Variants in CTNNA3 observed in about 807,000 individuals in gnomAD.
The protein encoded by CTNNA3 is catenin alpha-3.
Under a neutral mutation model 95.7 loss-of-function variants are expected in CTNNA3, and 76 were observed. That is an observed-to-expected ratio of 0.79 (90% CI 0.66 to 0.96). The LOEUF (loss-of-function observed/expected upper bound fraction) is 0.96. Among genes scored for constraint, CTNNA3 ranks in the 40% least tolerant of loss-of-function variants. The probability of loss-of-function intolerance (pLI) is 0.00; values close to 1 mark genes in which losing one functional copy is unlikely to be tolerated. For missense variants in CTNNA3, 1,191 were observed against 1,089.8 expected, an observed-to-expected ratio of 1.09 and a Z score of -1.31; for synonymous variants, 431 against 374.4, an observed-to-expected ratio of 1.15 and a Z score of -1.74.
intron 15 of CTNNA3, among the ~76,000 whole-genome samples, chr10:66,047,013 G>A (rs2079842739): frequency 6.6e-6 from 1 of 152,054 alleles, no homozygotes; most frequent in Admixed American, 6.6e-5. Context: ...AAAAAGCCCA[G>A]GACCTGATGG....
intron 12 of CTNNA3, among the ~76,000 whole-genome samples, chr10:66,303,261 A>C (rs574434640): frequency 1.3e-5 from 2 of 152,296 alleles, no homozygotes; most frequent in East Asian, 3.9e-4. Context: ...TACAAACTAC[A>C]ACAAACCCAG....
intron 7 of CTNNA3, among the ~76,000 whole-genome samples, chr10:66,906,575 A>G (rs1039630087): frequency 2.0e-5 from 3 of 152,144 alleles, no homozygotes; most frequent in Admixed American, 6.5e-5. Context: ...GTAGACTTAT[A>G]TTAATCTACA....
chr10:66,633,119 C>T (rs867988584), intron 9 of CTNNA3, among the ~76,000 whole-genome samples: 7 of 151,974 alleles, frequency 4.6e-5, no homozygotes, highest in South Asian at 2.1e-4. Context: ...GTTTCACCTA[C>T]GAAAATTTAA....
In CTNNA3 at chr10:66,775,524, C is replaced by A. The variant is rs755758752; in HGVS notation, c.1048G>T (p.Ala350Ser). The stretch of plus-strand genomic sequence containing the variant: ...GTATTACTCCTTTCTTTTTTTCCAG[C>A]CTGCAAAGAAGAAAAAACGACATAA... ...QDLLSEYMNN[A>S]GKKERSNTLN... The change falls in exon 8 of 18, where the codon GCT becomes TCT. Residue 350 changes from alanine (A) to serine (S), a missense_variant and splice_region_variant. Transcript: ENST00000433211. 9.4e-6 allele frequency: 15 copies of A among 1,602,968 alleles called. No individual in the cohort carries two copies. Among genetic ancestry groups the A allele is most frequent in the Non-Finnish European group, 1.1e-5 (13 of 1,175,034 alleles).
intron 10 of CTNNA3, among the ~76,000 whole-genome samples, chr10:66,523,313 G>C (rs1841134377): frequency 6.6e-6 from 1 of 152,154 alleles, no homozygotes; most frequent in South Asian, 2.1e-4. Flanking sequence ...ATGAATATAA[G>C]ACAGGCTACA....
At chr10:67,566,734 C>T (rs1325872434) in intron 3 of CTNNA3, among the ~76,000 whole-genome samples, 2,199 of 127,020 alleles carry the variant, frequency 0.017, no homozygotes, top group African/African-American at 0.063. Context: ...ATGTTTATTG[C>T]GGCACTCTTC....
In CTNNA3 at chr10:66,713,659, G is replaced by A. The variant is rs796970436; in HGVS notation, c.1281+52605C>T. On this transcript the variant is annotated intron_variant, in intron 9 of 17. Transcript: ENST00000433211. Reference sequence around the variant, plus strand: ...TCATTCTTGCTGTTATGTCTGGACTGAACTCAGAGTAACCCAGAATCTTCC... The same window carrying A: ...TCATTCTTGCTGTTATGTCTGGACTAAACTCAGAGTAACCCAGAATCTTCC... 2.6e-5 allele frequency among the ~76,000 whole-genome samples: 4 copies of A among 151,876 alleles called. No individual in the cohort carries two copies. In the East Asian group the frequency reaches 5.8e-4, roughly 22 times the overall value.
intron 15 of CTNNA3, among the ~76,000 whole-genome samples, chr10:66,042,772 T>C (rs1380833968): frequency 1.3e-5 from 2 of 151,142 alleles, no homozygotes; most frequent in Non-Finnish European, 3.0e-5. Context: ...TGGTGGTGCA[T>C]GCCTGTAATC....
chr10:67,200,065 T>C (rs1462681490), intron 6 of CTNNA3, among the ~76,000 whole-genome samples: 1 of 152,028 alleles, frequency 6.6e-6, no homozygotes, highest in Middle Eastern at 3.4e-3. Context: ...TGAGAAGGAG[T>C]GCTTTATCTA....
At chr10:65,980,620 A>G (rs2078300242) in intron 16 of CTNNA3, among the ~76,000 whole-genome samples, 3 of 152,018 alleles carry the variant, frequency 2.0e-5, no homozygotes, top group African/African-American at 7.2e-5. Context: ...TAAATTCAAC[A>G]GCATATGTAA....
At chr10:66,883,877 T>C (rs1191446882) in intron 7 of CTNNA3, among the ~76,000 whole-genome samples, 2 of 152,136 alleles carry the variant, frequency 1.3e-5, no homozygotes, top group Non-Finnish European at 2.9e-5. Context: ...TAGTTCATTA[T>C]GTGTTGCTAA....
chr10:67,263,814 CA>C (rs1485452028), intron 5 of CTNNA3, among the ~76,000 whole-genome samples: 1 of 152,048 alleles, frequency 6.6e-6, no homozygotes, highest in Non-Finnish European at 1.5e-5. Flanking sequence ...GAAGAAGTAG[CA>C]AATCACAGCC....
chr10:66,533,155 T>C lies in CTNNA3; in HGVS notation c.1375-12382A>G, dbSNP rs191506240. The stretch of plus-strand genomic sequence containing the variant: ...ATTTAGCCTAAGGCCCTGAAATATT[T>C]GGCCCCTGTTTATTTCTCTAGCATT... On this transcript the variant is annotated intron_variant, in intron 10 of 17. Transcript: ENST00000433211. 1.5e-4 allele frequency among the ~76,000 whole-genome samples: 23 copies of C among 152,280 alleles called. No homozygotes were observed. The East Asian group carries it at 4.4e-3, about 29-fold the overall frequency.
intron 11 of CTNNA3, among the ~76,000 whole-genome samples, chr10:66,448,932 C>A (rs1231972022): frequency 6.6e-6 from 1 of 151,814 alleles, no homozygotes; most frequent in Non-Finnish European, 1.5e-5. Context: ...TTGGCAGAAC[C>A]CACAATAATC....
In CTNNA3 at chr10:66,377,941, A is replaced by G. The variant is rs374185891; in HGVS notation, c.1732+1211T>C. Among the ~76,000 whole-genome samples the G allele has an allele frequency of 4.0e-4, 61 of 152,302 alleles. 1 individual carries two copies. The South Asian group carries it at 0.012, about 31-fold the overall frequency. On this transcript the variant is annotated intron_variant, in intron 12 of 17. Coordinates refer to ENST00000433211, the MANE Select transcript of CTNNA3 (RefSeq NM_013266.4). Reference sequence around the variant, plus strand: ...TAAATTTAATAATATCAAGAGTTTTATCTTTCCTTACCACATTGTTAGCAT... The same window carrying G: ...TAAATTTAATAATATCAAGAGTTTTGTCTTTCCTTACCACATTGTTAGCAT...
chr10:66,314,741 A>C (rs2132270308), intron 12 of CTNNA3, among the ~76,000 whole-genome samples: 1 of 152,254 alleles, frequency 6.6e-6, no homozygotes, highest in South Asian at 2.1e-4. Flanking sequence ...CAATTAATTT[A>C]GTGTTCAAAC....
intron 7 of CTNNA3, among the ~76,000 whole-genome samples, chr10:66,791,871 T>C (rs1054066119): frequency 2.6e-5 from 4 of 152,232 alleles, no homozygotes; most frequent in Admixed American, 2.0e-4. Flanking sequence ...TCTATATCGT[T>C]GGGTTATATA....
At chr10:67,132,408 G>C (rs914770056) in intron 7 of CTNNA3, among the ~76,000 whole-genome samples, 1 of 151,972 alleles carries the variant, frequency 6.6e-6, no homozygotes, top group Non-Finnish European at 1.5e-5. Context: ...TATAAAACCT[G>C]GTGTAAATTA....
intron 7 of CTNNA3, among the ~76,000 whole-genome samples, chr10:66,989,348 T>C (rs970596286): frequency 6.6e-6 from 1 of 152,206 alleles, no homozygotes; most frequent in East Asian, 1.9e-4. Flanking sequence ...GAAACAAGCA[T>C]TGTGGCAGAG....
Sources: gnomAD v4.1 joint callset for allele counts (sites outside exome capture counted in the v4.1 genomes callset) on GRCh38, gnomAD v4.1.1 for gene constraint, MANE v1.5 for transcripts, NCBI Gene and HGNC (gene_info 2026-07-23, HGNC 2026-07-21) for gene names.